The following PDE7B variants were observed in gnomAD, a reference collection of about 807,000 sequenced individuals.
PDE7B encodes 3',5'-cyclic-AMP phosphodiesterase 7B.
Under a neutral mutation model 56.2 loss-of-function variants are expected in PDE7B, and 29 were observed. The observed-to-expected ratio is 0.52, with a 90% CI of 0.38 to 0.70. The LOEUF (loss-of-function observed/expected upper bound fraction) is 0.70. Ranked by LOEUF, PDE7B falls within the 30% of genes least tolerant of loss-of-function variation. The pLI is 0.00. For synonymous variants in PDE7B, 197 were observed against 196.9 expected, an observed-to-expected ratio of 1.00 and a Z score of 0.00; for missense variants, 490 against 565.0, an observed-to-expected ratio of 0.87 and a Z score of 1.35.
At chr6:135,853,661 C>T (rs1774975384) in intron 1 of PDE7B, among the ~76,000 whole-genome samples, 1 of 152,202 alleles carries the variant, frequency 6.6e-6, no homozygotes, top group Admixed American at 6.5e-5. Context: ...AGAATGTACT[C>T]ACTCTCTTGA....
At chr6:135,932,585 T>C (rs1444280572) in intron 1 of PDE7B, among the ~76,000 whole-genome samples, 1 of 152,202 alleles carries the variant, frequency 6.6e-6, no homozygotes, top group Non-Finnish European at 1.5e-5. Flanking sequence ...AATATATAGA[T>C]GCACACATTC....
intron 1 of PDE7B, among the ~76,000 whole-genome samples, chr6:135,906,027 CA>C (rs1776094956): frequency 6.6e-6 from 1 of 152,048 alleles, no homozygotes; most frequent in Non-Finnish European, 1.5e-5. Flanking sequence ...CCGGTTTTTT[CA>C]ATTGGACGCT....
intron 11 of PDE7B, among the ~76,000 whole-genome samples, chr6:136,181,712 T>C (rs771664739): frequency 2.0e-5 from 3 of 151,936 alleles, no homozygotes; most frequent in Non-Finnish European, 4.4e-5. Context: ...TGTTTTCCAC[T>C]CTGACAGAAG....
intron 2 of PDE7B, among the ~76,000 whole-genome samples, chr6:136,092,152 T>G (rs1476256034): frequency 1.3e-5 from 2 of 152,220 alleles, no homozygotes; most frequent in African/African-American, 4.8e-5. Flanking sequence ...AGAATAGGTA[T>G]TCAATGAAGA....
In PDE7B at chr6:136,054,324, T is replaced by G. The variant is rs1326779585; in HGVS notation, c.83-54407T>G. ...TATTAAATAGGGAATCGTTTCCCCA[T>G]TTCTTGTTTTTGTCAGGTTTGTCAA... On this transcript the variant is annotated intron_variant, in intron 2 of 12. Transcript: ENST00000308191. 3.9e-5 allele frequency among the ~76,000 whole-genome samples: 6 copies of G among 152,358 alleles called. No individual in the cohort carries two copies. The East Asian group carries it at 9.6e-4, about 24-fold the overall frequency.
chr6:135,953,620 G>A (rs996739191), intron 2 of PDE7B, among the ~76,000 whole-genome samples: 1 of 151,988 alleles, frequency 6.6e-6, no homozygotes, highest in Non-Finnish European at 1.5e-5. Context: ...TTTTTTCTAA[G>A]TCCTTGCACT....
At chr6:135,986,258 G>C (rs910803860) in intron 2 of PDE7B, among the ~76,000 whole-genome samples, 3 of 152,212 alleles carry the variant, frequency 2.0e-5, no homozygotes, top group African/African-American at 7.2e-5. Context: ...AGTAACTGAA[G>C]TGATGACATT....
chr6:135,874,716 T>A (rs1364124017), intron 1 of PDE7B, among the ~76,000 whole-genome samples: 1 of 152,198 alleles, frequency 6.6e-6, no homozygotes, highest in Admixed American at 6.5e-5. Flanking sequence ...AAACAGTGAT[T>A]ATATGTAGTC....
rs533343125 is a variant in PDE7B at position 136,036,002 on chromosome 6, C to T, written c.83-72729C>T. Among the ~76,000 whole-genome samples, 19 of 152,220 alleles carry T rather than the reference C, an allele frequency of 1.2e-4. 1 individual carries two copies. In the East Asian group the frequency reaches 3.5e-3, roughly 28 times the overall value. Reference sequence around the variant, plus strand: ...GAACAAAAATAAAAATAGTCAAACACTTAGGAAACTCTTCAGTTGTTATGT... The same window carrying T: ...GAACAAAAATAAAAATAGTCAAACATTTAGGAAACTCTTCAGTTGTTATGT... On this transcript the variant is annotated intron_variant, in intron 2 of 12. Transcript: ENST00000308191.
chr6:136,182,396 C>T (rs11154858), intron 11 of PDE7B, among the ~76,000 whole-genome samples: 19,078 of 152,088 alleles, frequency 0.13, 2,873 homozygotes, highest in African/African-American at 0.35. Flanking sequence ...CAAAAGGAAA[C>T]ATGATGAAAT....
chr6:136,128,292 G>C (rs935948414), intron 3 of PDE7B, among the ~76,000 whole-genome samples: 2 of 152,014 alleles, frequency 1.3e-5, no homozygotes, highest in Non-Finnish European at 2.9e-5. Context: ...TAGCCCACAG[G>C]GCTTTATTTG....
intron 5 of PDE7B, among the ~76,000 whole-genome samples, chr6:136,149,461 T>C (rs1020580425): frequency 1.3e-5 from 2 of 152,224 alleles, no homozygotes; most frequent in Non-Finnish European, 2.9e-5. Context: ...AAGGAGTTCA[T>C]TGTTAGTTGA....
At chr6:136,069,152 T>TG (rs1423244073) in intron 2 of PDE7B, among the ~76,000 whole-genome samples, 2 of 152,128 alleles carry the variant, frequency 1.3e-5, no homozygotes, top group Non-Finnish European at 2.9e-5. Flanking sequence ...TTCAGTTGGT[T>TG]GGGGGGCTTA....
rs1423610227 is a variant in PDE7B, at chr6:135,959,893, C to CCT, written c.82+12373_82+12374dup. On this transcript the variant is annotated intron_variant, in intron 2 of 12. Transcript: ENST00000308191. ...GGCTTAAGCAATCCTTTCACCTGACCCTCTCAAGTACCTGGGACTACAGGT... is the reference window on the plus strand; with the variant it reads ...GGCTTAAGCAATCCTTTCACCTGACCCTCTCTCAAGTACCTGGGACTACAGGT... Among the ~76,000 whole-genome samples the CCT allele has an allele frequency of 2.0e-5, 3 of 152,068 alleles. No individual in the cohort carries two copies. In the East Asian group the frequency reaches 5.8e-4, roughly 29 times the overall value.
intron 2 of PDE7B, among the ~76,000 whole-genome samples, chr6:136,103,007 A>C (rs73561320): frequency 4.6e-5 from 7 of 152,172 alleles, no homozygotes; most frequent in Non-Finnish European, 8.8e-5. Context: ...AACTTTTTTC[A>C]CATGCAAAGA....
intron 3 of PDE7B, among the ~76,000 whole-genome samples, chr6:136,133,806 T>C (rs762928488): frequency 1.3e-5 from 2 of 151,970 alleles, no homozygotes; most frequent in Non-Finnish European, 2.9e-5. Context: ...AGGAAATACT[T>C]GAGGTGGGCT....
chr6:135,940,606 A>G (rs577476051), intron 1 of PDE7B, among the ~76,000 whole-genome samples: 21 of 152,214 alleles, frequency 1.4e-4, no homozygotes, highest in Non-Finnish European at 2.5e-4. Context: ...CTTTCTCTCC[A>G]GGCCTATCTT....
intron 11 of PDE7B, among the ~76,000 whole-genome samples, 193 bp downstream of exon 11, chr6:136,181,516 G>A (rs1333773683): frequency 6.6e-6 from 1 of 152,116 alleles, no homozygotes; most frequent in Non-Finnish European, 1.5e-5. Context: ...AAATAACATT[G>A]ACGTATTGAC....
chr6:135,885,328 GTTT>G (rs11325233), intron 1 of PDE7B, among the ~76,000 whole-genome samples: 2 of 143,440 alleles, frequency 1.4e-5, no homozygotes, highest in Non-Finnish European at 1.5e-5. Flanking sequence ...CTTGTTTGTT[GTTT>G]TTTTTTTTTT....
Sources: allele counts gnomAD v4.1 joint callset (sites outside exome capture counted in the v4.1 genomes callset), GRCh38; gene constraint gnomAD v4.1.1; transcripts MANE v1.5; gene names NCBI Gene and HGNC (gene_info 2026-07-23, HGNC 2026-07-21).